The following SWT1 variants were observed in gnomAD, a reference collection of about 807,000 sequenced individuals.
SWT1 encodes the protein transcriptional protein SWT1.
SWT1 carries 33 observed loss-of-function variants against 107.3 expected under a neutral mutation model. That is an observed-to-expected ratio of 0.31 (90% CI 0.23 to 0.41). The LOEUF is 0.41. Ranked by LOEUF, SWT1 falls within the 10% of genes least tolerant of loss-of-function variation. The pLI, the probability that SWT1 is intolerant of heterozygous loss-of-function variation, is 1.00. For synonymous variants in SWT1, 345 were observed against 348.3 expected (o/e 0.99, Z 0.11); for missense variants, 898 against 1,028.9 (o/e 0.87, Z 1.74).
intron 11 of SWT1, 131 bp downstream of exon 11, chr1:185,202,930 AT>A: frequency 2.2e-6 from 1 of 462,486 alleles, no homozygotes; most frequent in African/African-American, 2.0e-5. Flanking sequence ...ACTTGCTGGC[AT>A]GTAAGTCATT....
chr1:185,223,039 C>T (rs1418509632), intron 15 of SWT1, among the ~76,000 whole-genome samples: 1 of 152,170 alleles, frequency 6.6e-6, no homozygotes, highest in Non-Finnish European at 1.5e-5. Flanking sequence ...TTGACATACT[C>T]ATTTCATGTC....
intron 11 of SWT1, 115 bp from the exon 12 acceptor site, chr1:185,204,585 A>G (rs528892454): frequency 6.4e-4 from 288 of 452,808 alleles, no homozygotes; most frequent in African/African-American, 5.3e-3. Context: ...TGTTTGTTTT[A>G]TATATAATTA....
At chr1:185,190,520 A>G in intron 9 of SWT1, 29 bp from the exon 10 acceptor site, 1 of 1,283,594 alleles carries the variant, frequency 7.8e-7, no homozygotes, top group East Asian at 2.3e-5. Context: ...TAGTGTACTT[A>G]CTGACTGTTG....
intron 10 of SWT1, among the ~76,000 whole-genome samples, chr1:185,202,172 T>C (rs1055027728): frequency 4.6e-5 from 7 of 152,192 alleles, no homozygotes; most frequent in African/African-American, 1.7e-4. Context: ...TATGTTCTAA[T>C]CATATTGGCT....
chr1:185,245,839 G>T (rs1661568599), intron 16 of SWT1, among the ~76,000 whole-genome samples: 1 of 151,876 alleles, frequency 6.6e-6, no homozygotes, highest in Non-Finnish European at 1.5e-5. Context: ...TGTGATCTCG[G>T]CTCACTGCAA....
intron 15 of SWT1, 86 bp downstream of exon 15, chr1:185,222,122 C>G: frequency 1.1e-6 from 1 of 907,980 alleles, no homozygotes; most frequent in South Asian, 3.2e-5. Context: ...ATTTGATGTG[C>G]AATTTGACGT....
chr1:185,284,807 G>C (rs922513659), intron 18 of SWT1, among the ~76,000 whole-genome samples: 1 of 152,144 alleles, frequency 6.6e-6, no homozygotes, highest in Admixed American at 6.5e-5. Flanking sequence ...TAGCTCAAGG[G>C]GGAGTGATGT....
At chr1:185,205,794 A>C (rs1276318230) in intron 12 of SWT1, among the ~76,000 whole-genome samples, 1 of 152,236 alleles carries the variant, frequency 6.6e-6, no homozygotes, top group African/African-American at 2.4e-5. Flanking sequence ...AATGATGACG[A>C]ATCATCAGAA....
intron 15 of SWT1, among the ~76,000 whole-genome samples, chr1:185,229,088 C>T (rs1031957727): frequency 6.6e-6 from 1 of 151,982 alleles, no homozygotes; most frequent in South Asian, 2.1e-4. Context: ...CAAGATCAGG[C>T]CTGCGTTTTA....
chr1:185,236,910 A>C (rs1370014108), intron 16 of SWT1, among the ~76,000 whole-genome samples: 3 of 152,238 alleles, frequency 2.0e-5, no homozygotes, highest in South Asian at 4.1e-4. Flanking sequence ...TGATATGAAC[A>C]GACACTTCTC....
At chr1:185,206,180 AACTCC>A (rs1658320161) in intron 12 of SWT1, among the ~76,000 whole-genome samples, 1 of 152,126 alleles carries the variant, frequency 6.6e-6, no homozygotes, top group Non-Finnish European at 1.5e-5. Flanking sequence ...GCTGGTCTCG[AACTCC>A]TGACCTTGTG....
intron 17 of SWT1, among the ~76,000 whole-genome samples, chr1:185,272,450 T>A (rs1324613158): frequency 6.6e-6 from 1 of 152,226 alleles, no homozygotes; most frequent in African/African-American, 2.4e-5. Context: ...CTCCTTTAAA[T>A]ATATTTCTTC....
chr1:185,242,427 C>G (rs1661310697), intron 16 of SWT1, among the ~76,000 whole-genome samples: 1 of 151,986 alleles, frequency 6.6e-6, no homozygotes, highest in Non-Finnish European at 1.5e-5. Context: ...ATCTAAAACT[C>G]TTATCTGTGT....
At chr1:185,267,105 C>T (rs981831599) in intron 16 of SWT1, among the ~76,000 whole-genome samples, 18 of 152,192 alleles carry the variant, frequency 1.2e-4, no homozygotes, top group African/African-American at 4.3e-4. Flanking sequence ...CCTACCACCA[C>T]TCACTGTGTA....
chr1:185,209,624 T>C (rs1172804315), intron 13 of SWT1, among the ~76,000 whole-genome samples: 1 of 152,234 alleles, frequency 6.6e-6, no homozygotes, highest in African/African-American at 2.4e-5. Flanking sequence ...CACTCTATCA[T>C]TGAAGGGCAT....
intron 7 of SWT1, among the ~76,000 whole-genome samples, chr1:185,183,218 T>A (rs771263153): frequency 2.6e-5 from 4 of 152,206 alleles, no homozygotes; most frequent in Non-Finnish European, 5.9e-5. Context: ...TATTATCTGA[T>A]CCTCAAAATG....
At chr1:185,216,548 G>A (rs1313847958) in intron 14 of SWT1, among the ~76,000 whole-genome samples, 2 of 152,044 alleles carry the variant, frequency 1.3e-5, no homozygotes, top group Admixed American at 6.6e-5. Flanking sequence ...CCTCTTCATC[G>A]ATAAAAACCT....
chr1:185,286,472 C>T (rs1291469367), intron 18 of SWT1, among the ~76,000 whole-genome samples: 1 of 152,112 alleles, frequency 6.6e-6, no homozygotes, highest in Admixed American at 6.5e-5. Context: ...GATCTGCCCG[C>T]CTCAGCCTCC....
chr1:185,286,544 C>G (rs1159311521), intron 18 of SWT1, among the ~76,000 whole-genome samples: 1 of 152,048 alleles, frequency 6.6e-6, no homozygotes, highest in African/African-American at 2.4e-5. Context: ...TCTTATACCT[C>G]TTTGATTAAA....
Sources: gnomAD v4.1 joint callset for allele counts (sites outside exome capture counted in the v4.1 genomes callset) on GRCh38, gnomAD v4.1.1 for gene constraint, MANE v1.5 for transcripts, NCBI Gene and HGNC (gene_info 2026-07-23, HGNC 2026-07-21) for gene names.